Variants in NRG3 observed in about 807,000 individuals in gnomAD.
The protein encoded by NRG3 is neuregulin 3.
Under a neutral mutation model 66.9 loss-of-function variants are expected in NRG3, and 31 were observed. The observed-to-expected ratio is 0.46, with a 90% CI of 0.35 to 0.63. NRG3 has a LOEUF of 0.63. NRG3 is among the 20% of genes least tolerant of loss of function. The pLI is 0.00. For synonymous variants in NRG3, 393 were observed against 359.4 expected, an observed-to-expected ratio of 1.09 and a Z score of -1.06; for missense variants, 910 against 878.9, an observed-to-expected ratio of 1.04 and a Z score of -0.45.
At chr10:82,392,898 A>ATATTT (rs781243048) in intron 2 of NRG3, among the ~76,000 whole-genome samples, 4 of 150,128 alleles carry the variant, frequency 2.7e-5, no homozygotes, top group African/African-American at 9.9e-5. Context: ...ATATATATAT[A>ATATTT]TTTTTTGCAG....
chr10:81,990,715 A>G (rs374014721), intron 1 of NRG3, among the ~76,000 whole-genome samples: 2 of 152,308 alleles, frequency 1.3e-5, no homozygotes, highest in East Asian at 3.9e-4. Flanking sequence ...TAGCAGCCAT[A>G]TAAATAACAA....
intron 2 of NRG3, among the ~76,000 whole-genome samples, chr10:82,642,516 T>C (rs183449833): frequency 1.3e-5 from 2 of 151,968 alleles, no homozygotes; most frequent in Admixed American, 6.6e-5. Flanking sequence ...TAGATCCAAC[T>C]ACTAATTTAT....
intron 1 of NRG3, among the ~76,000 whole-genome samples, chr10:81,967,635 G>A (rs1312277378): frequency 6.6e-6 from 1 of 152,082 alleles, no homozygotes; most frequent in Non-Finnish European, 1.5e-5. Flanking sequence ...GTAAGAGTGA[G>A]TGTGCCAATT....
intron 4 of NRG3, among the ~76,000 whole-genome samples, chr10:82,926,464 A>ACTACAAGCT (rs1297906207): frequency 6.6e-6 from 1 of 152,204 alleles, no homozygotes; most frequent in African/African-American, 2.4e-5. Flanking sequence ...TATTCTGGTG[A>ACTACAAGCT]CCAAATAAAT....
intron 1 of NRG3, among the ~76,000 whole-genome samples, chr10:82,317,544 G>A (rs746542398): frequency 6.6e-6 from 1 of 152,134 alleles, no homozygotes; most frequent in Non-Finnish European, 1.5e-5. Flanking sequence ...CTCACTGATT[G>A]TTCTCTTTCT....
intron 4 of NRG3, among the ~76,000 whole-genome samples, chr10:82,911,604 T>G (rs974782467): frequency 1.3e-5 from 2 of 151,734 alleles, no homozygotes; most frequent in African/African-American, 4.8e-5. Flanking sequence ...TCATTCTTTA[T>G]ATAGTAATTT....
intron 4 of NRG3, among the ~76,000 whole-genome samples, chr10:82,931,315 T>G (rs151059050): frequency 0.012 from 1,860 of 152,308 alleles, 23 homozygotes; most frequent in African/African-American, 0.037. Flanking sequence ...TCCATCTGAC[T>G]TCAAGGTTAA....
chr10:82,136,249 T>A lies in NRG3; in HGVS notation c.824-222490T>A, dbSNP rs377349611. 3.3e-5 allele frequency among the ~76,000 whole-genome samples: 5 copies of A among 152,318 alleles called. No individual in the cohort carries two copies. In the East Asian group the frequency reaches 9.7e-4, roughly 29 times the overall value. Reference sequence around the variant, plus strand: ...AGCTGCCTTCAGCTGAGGGAGGTGCTACCACCATTGGAACTGCTCTGGTTC... The same window carrying A: ...AGCTGCCTTCAGCTGAGGGAGGTGCAACCACCATTGGAACTGCTCTGGTTC... On this transcript the variant is annotated intron_variant, in intron 1 of 8. Transcript: ENST00000372141.
At chr10:81,942,223 C>T (rs976906770) in intron 1 of NRG3, among the ~76,000 whole-genome samples, 9 of 152,078 alleles carry the variant, frequency 5.9e-5, no homozygotes, top group African/African-American at 2.2e-4. Flanking sequence ...TGTGCTGTTT[C>T]CTCCACATAA....
chr10:81,896,260 TTG>T (rs1843517289), intron 1 of NRG3, among the ~76,000 whole-genome samples: 2 of 152,134 alleles, frequency 1.3e-5, no homozygotes, highest in Admixed American at 1.3e-4. Flanking sequence ...TGAAACTGAG[TTG>T]TATGTCAATC....
intron 3 of NRG3, among the ~76,000 whole-genome samples, chr10:82,761,922 C>CTCTTTCTTTCTTTCTTTCTTTCTT (rs140350240): frequency 8.1e-5 from 10 of 123,850 alleles, no homozygotes; most frequent in South Asian, 3.0e-4. Flanking sequence ...TTCTTTCTTT[C>CTCTTTCTTTCTTTCTTTCTTTCTT]TCTTTCTTTC....
intron 6 of NRG3, among the ~76,000 whole-genome samples, chr10:82,971,981 C>G (rs1026448984): frequency 2.0e-5 from 3 of 152,040 alleles, no homozygotes; most frequent in Non-Finnish European, 2.9e-5. Flanking sequence ...TAAATTAGCT[C>G]TTTCAGAACA....
chr10:82,380,980 T>C (rs1404472341), intron 2 of NRG3, among the ~76,000 whole-genome samples: 17 of 152,120 alleles, frequency 1.1e-4, no homozygotes, highest in Admixed American at 1.1e-3. Context: ...GGTAACCACA[T>C]GGATGAACCA....
At chr10:82,526,403 A>G (rs923989549) in intron 2 of NRG3, among the ~76,000 whole-genome samples, 1 of 151,904 alleles carries the variant, frequency 6.6e-6, no homozygotes, top group African/African-American at 2.4e-5. Context: ...TGTATTTACA[A>G]TGAAATTAAA....
chr10:82,625,513 T>C (rs2133666353), intron 2 of NRG3, among the ~76,000 whole-genome samples: 1 of 152,280 alleles, frequency 6.6e-6, no homozygotes, highest in South Asian at 2.1e-4. Context: ...GAAGTGAGAA[T>C]CAGGTATGAA....
At chr10:82,725,626 A>G (rs1010534423) in intron 2 of NRG3, among the ~76,000 whole-genome samples, 1 of 152,204 alleles carries the variant, frequency 6.6e-6, no homozygotes, top group African/African-American at 2.4e-5. Context: ...CATAGGTAAA[A>G]TTGATGGATT....
At chr10:82,604,027 T>C (rs754878307) in intron 2 of NRG3, among the ~76,000 whole-genome samples, 18 of 152,162 alleles carry the variant, frequency 1.2e-4, no homozygotes, top group Non-Finnish European at 1.9e-4. Flanking sequence ...TTTGTTATAA[T>C]TGATGGGCCA....
At chr10:82,464,113 A>G (rs1840442995) in intron 2 of NRG3, among the ~76,000 whole-genome samples, 2 of 152,172 alleles carry the variant, frequency 1.3e-5, no homozygotes, top group South Asian at 4.1e-4. Context: ...CATTTTACAG[A>G]TCAGAGAATT....
chr10:82,097,447 AATATATATATCTGTAAT>A, intron 1 of NRG3, among the ~76,000 whole-genome samples: 1 of 145,640 alleles, frequency 6.9e-6, no homozygotes, highest in African/African-American at 2.5e-5. Flanking sequence ...ATATATCTGT[AATATATATATCTGTAAT>A]ATATATATGT....
Sources: allele counts gnomAD v4.1 joint callset (sites outside exome capture counted in the v4.1 genomes callset), GRCh38; gene constraint gnomAD v4.1.1; transcripts MANE v1.5; gene names NCBI Gene and HGNC (gene_info 2026-07-23, HGNC 2026-07-21).